TEKT5: variants seen among roughly 807,000 people sequenced by gnomAD.
TEKT5 encodes tektin-5.
A neutral mutation model predicts 48.7 loss-of-function variants in TEKT5; 52 were observed. The observed-to-expected ratio is 1.07, with a 90% CI of 0.86 to 1.35. The LOEUF is 1.35. Among genes scored for constraint, TEKT5 ranks in the 40% most tolerant of loss-of-function variants. The probability of loss-of-function intolerance (pLI) is 0.00; values close to 1 mark genes in which losing one functional copy is unlikely to be tolerated. For synonymous variants in TEKT5, 318 were observed against 267.6 expected, an observed-to-expected ratio of 1.19 and a Z score of -1.84; for missense variants, 831 against 641.6, an observed-to-expected ratio of 1.30 and a Z score of -3.19.
chr16:10,694,783 C>G lies in TEKT5; in HGVS notation c.91G>C (p.Val31Leu). 1 of 1,613,862 alleles carries G rather than the reference C, an allele frequency of 6.2e-7. No individual in the cohort carries two copies. The highest frequency in any genetic ancestry group is 8.5e-7 in the Non-Finnish European group (1 of 1,179,852). The change falls in exon 1 of 7, where the codon GTG (valine) becomes CTG (leucine). Residue 31 changes from valine (V) to leucine (L), a missense_variant. Physicochemically the swap from Val to Leu is conservative, Grantham distance 32. Coordinates refer to ENST00000283025, the MANE Select transcript of TEKT5 (RefSeq NM_144674.2). ...TAGGGCTGATAGCATTCCTGGATCA[C>G]TGGCGCCTGTACAGCTGGCAGTGAG... ...LTSLPAVQAPVIQECYQPYYL... is the reference protein window; with the variant it reads ...LTSLPAVQAPLIQECYQPYYL...
intron 6 of TEKT5, among the ~76,000 whole-genome samples, chr16:10,632,869 G>GACAGACAC (rs1897857440): frequency 7.6e-6 from 1 of 131,646 alleles, no homozygotes; most frequent in Non-Finnish European, 1.7e-5. Flanking sequence ...CACAGATGCA[G>GACAGACAC]ACACACACAC....
At chr16:10,689,416 A>C in intron 2 of TEKT5, 93 bp from the exon 3 acceptor site, 1 of 1,099,778 alleles carries the variant, frequency 9.1e-7, no homozygotes, top group East Asian at 2.4e-5. Context: ...CTCCCCTCTC[A>C]CTGACCACCC....
At chr16:10,648,584 G>A (rs1160540456) in intron 5 of TEKT5, among the ~76,000 whole-genome samples, 8 of 152,044 alleles carry the variant, frequency 5.3e-5, no homozygotes, top group Non-Finnish European at 1.0e-4. Flanking sequence ...CGCCTATCTC[G>A]GCCTCCCAAA....
chr16:10,694,687 T>C lies in TEKT5; in HGVS notation c.187A>G (p.Thr63Ala). 1 of 1,613,494 alleles carries C rather than the reference T, an allele frequency of 6.2e-7. No individual in the cohort carries two copies. Among genetic ancestry groups the C allele is most frequent in the Non-Finnish European group, 8.5e-7 (1 of 1,179,694 alleles). ...SLFYKIANVQ[T>A]CPDESTSTLR... ...GTACTGGTGCTCTCGTCCGGGCAGG[T>C]CTGGACGTTGGCTATCTTGTAGAAG... The change falls in exon 1 of 7, where the codon ACC becomes GCC. Residue 63 changes from threonine to alanine, a missense_variant. Coordinates refer to ENST00000283025, the MANE Select transcript of TEKT5 (RefSeq NM_144674.2).
chr16:10,638,815 C>T (rs935933287), intron 5 of TEKT5, among the ~76,000 whole-genome samples: 1 of 152,202 alleles, frequency 6.6e-6, no homozygotes, highest in Admixed American at 6.5e-5. Context: ...TGAAGCCTTA[C>T]TTGAAAGATT....
At chr16:10,685,964 T>C (rs1467393570) in intron 3 of TEKT5, among the ~76,000 whole-genome samples, 1 of 152,196 alleles carries the variant, frequency 6.6e-6, no homozygotes, top group Non-Finnish European at 1.5e-5. Context: ...TAGTTCACTC[T>C]GCCGGCTCAA....
chr16:10,661,973 C>A lies in TEKT5; in HGVS notation c.1086+13986G>T, dbSNP rs4497686. ...AGAGCCCTGGGTCCCTCAGCCTCCACACTATCTACCCTACCATCTGCCTAG... is the reference window on the plus strand; with the variant it reads ...AGAGCCCTGGGTCCCTCAGCCTCCAAACTATCTACCCTACCATCTGCCTAG... On this transcript the variant is annotated intron_variant, in intron 5 of 6. Coordinates refer to ENST00000283025, the MANE Select transcript of TEKT5 (RefSeq NM_144674.2). Among the ~76,000 whole-genome samples, 820 of 152,338 alleles carry A rather than the reference C, an allele frequency of 5.4e-3. 5 individuals are homozygous for A. Among genetic ancestry groups the A allele is most frequent in the African/African-American group, 0.019 (773 of 41,574 alleles).
intron 5 of TEKT5, chr16:10,671,913 C>A (rs1429097916): frequency 6.6e-6 from 1 of 152,172 alleles, no homozygotes. Context: ...CCCACTGAGT[C>A]CCTCCCACTG....
chr16:10,678,300 T>C (rs1968496852), intron 4 of TEKT5, among the ~76,000 whole-genome samples: 1 of 152,136 alleles, frequency 6.6e-6, no homozygotes, highest in African/African-American at 2.4e-5. Context: ...GGTTTCACCA[T>C]GTTGGCCAGG....
intron 5 of TEKT5, among the ~76,000 whole-genome samples, chr16:10,649,114 T>C (rs1294305865): frequency 3.3e-5 from 5 of 150,208 alleles, no homozygotes; most frequent in Non-Finnish European, 7.4e-5. Context: ...CATACCTGGC[T>C]ATTTATTTTT....
At chr16:10,690,097 T>G (rs1412399870) in intron 1 of TEKT5, 72 bp from the exon 2 acceptor site, 29 of 1,505,046 alleles carry the variant, frequency 1.9e-5, no homozygotes, top group Non-Finnish European at 2.7e-5. Context: ...GGGACTCACA[T>G]CCACCCTTGC....
intron 5 of TEKT5, among the ~76,000 whole-genome samples, chr16:10,649,691 C>G (rs1022504309): frequency 1.3e-5 from 2 of 152,184 alleles, no homozygotes; most frequent in African/African-American, 4.8e-5. Flanking sequence ...CCACACTGGC[C>G]TCCTAAAGTG....
At chr16:10,636,715 G>A (rs887560112) in intron 5 of TEKT5, among the ~76,000 whole-genome samples, 1 of 151,606 alleles carries the variant, frequency 6.6e-6, no homozygotes, top group East Asian at 1.9e-4. Context: ...GTGTGTGTGT[G>A]TGTGTGTGTG....
At chr16:10,660,899 C>T (rs1898359134) in intron 5 of TEKT5, among the ~76,000 whole-genome samples, 1 of 152,110 alleles carries the variant, frequency 6.6e-6, no homozygotes, top group Non-Finnish European at 1.5e-5. Flanking sequence ...TGTGGTTTCG[C>T]CATGTTGGCC....
chr16:10,633,299 T>A (rs1013304669), intron 6 of TEKT5, among the ~76,000 whole-genome samples: 3 of 152,010 alleles, frequency 2.0e-5, no homozygotes, highest in African/African-American at 7.3e-5. Context: ...AGGTGGAGGT[T>A]GCAGTGAGCC....
intron 5 of TEKT5, among the ~76,000 whole-genome samples, chr16:10,670,996 C>T (rs1480734094): frequency 1.3e-5 from 2 of 152,044 alleles, no homozygotes; most frequent in Non-Finnish European, 2.9e-5. Context: ...CATCAAACTC[C>T]GGGGCTCAAG....
At chr16:10,661,704 T>C (rs965627925) in intron 5 of TEKT5, among the ~76,000 whole-genome samples, 8 of 152,120 alleles carry the variant, frequency 5.3e-5, no homozygotes, top group Admixed American at 3.3e-4. Flanking sequence ...GCCAGTGGTA[T>C]TCGGATTCCA....
chr16:10,660,608 C>T (rs1314348156), intron 5 of TEKT5, among the ~76,000 whole-genome samples: 1 of 151,870 alleles, frequency 6.6e-6, no homozygotes, highest in Non-Finnish European at 1.5e-5. Context: ...ATGCCCAGAG[C>T]CGCCACTTCC....
At chr16:10,679,614 G>A (rs2142305529) in intron 4 of TEKT5, among the ~76,000 whole-genome samples, 1 of 152,178 alleles carries the variant, frequency 6.6e-6, no homozygotes, top group South Asian at 2.1e-4. Context: ...AAACCCTAAG[G>A]CCAGGGGTGG....
Sources: gnomAD v4.1 joint callset for allele counts (sites outside exome capture counted in the v4.1 genomes callset) on GRCh38, gnomAD v4.1.1 for gene constraint, MANE v1.5 for transcripts, NCBI Gene and HGNC (gene_info 2026-07-23, HGNC 2026-07-21) for gene names.